The following DGKI variants were observed in gnomAD, a reference collection of about 807,000 sequenced individuals.
DGKI encodes the protein diacylglycerol kinase iota.
In DGKI, 55 loss-of-function variants were observed where a neutral mutation model predicts 147.5. The ratio of observed to expected loss-of-function variants is 0.37; its 90% CI spans 0.30 to 0.47. DGKI has a LOEUF of 0.47. Ranked by LOEUF, DGKI falls within the 20% of genes least tolerant of loss-of-function variation. DGKI has a pLI of 1.00. For synonymous variants in DGKI, 469 were observed against 477.1 expected, an observed-to-expected ratio of 0.98 and a Z score of 0.22; for missense variants, 1,007 against 1,323.8, an observed-to-expected ratio of 0.76 and a Z score of 3.71.
At chr7:137,435,567 G>A (rs1006511964) in intron 28 of DGKI, among the ~76,000 whole-genome samples, 4 of 152,072 alleles carry the variant, frequency 2.6e-5, no homozygotes, top group African/African-American at 4.8e-5. Flanking sequence ...GAGCTAAAGC[G>A]GGAAGAGAAA....
At chr7:137,509,744 T>C (rs1345215312) in intron 21 of DGKI, among the ~76,000 whole-genome samples, 1 of 152,060 alleles carries the variant, frequency 6.6e-6, no homozygotes, top group Non-Finnish European at 1.5e-5. Flanking sequence ...TAGACAGAAT[T>C]GGGGAAAGAA....
chr7:137,813,502 G>C (rs1407189966), intron 1 of DGKI, among the ~76,000 whole-genome samples: 2 of 152,178 alleles, frequency 1.3e-5, no homozygotes, highest in African/African-American at 4.8e-5. Context: ...ACCCCCTTGG[G>C]TGTTGAGTGT....
At chr7:137,517,652 G>A (rs1214708953) in intron 21 of DGKI, among the ~76,000 whole-genome samples, 1 of 152,144 alleles carries the variant, frequency 6.6e-6, no homozygotes, top group Non-Finnish European at 1.5e-5. Context: ...GGAATGCCCT[G>A]TATTACCTTT....
At chr7:137,593,581 A>G in intron 12 of DGKI, among the ~76,000 whole-genome samples, 1 of 152,238 alleles carries the variant, frequency 6.6e-6, no homozygotes, top group South Asian at 2.1e-4. Context: ...TGTCCAACGC[A>G]GCAGCCATTG....
chr7:137,725,343 C>A (rs1316046448), intron 1 of DGKI, among the ~76,000 whole-genome samples: 1 of 152,144 alleles, frequency 6.6e-6, no homozygotes, highest in Admixed American at 6.5e-5. Context: ...ACACCTGGGA[C>A]CGCCTTGACA....
chr7:137,725,131 C>T (rs1411175251), intron 1 of DGKI, among the ~76,000 whole-genome samples: 1 of 152,018 alleles, frequency 6.6e-6, no homozygotes, highest in East Asian at 1.9e-4. Flanking sequence ...TGGGTATTAT[C>T]CCCCTTCTGC....
intron 20 of DGKI, among the ~76,000 whole-genome samples, chr7:137,535,289 G>A (rs1817478510): frequency 6.6e-6 from 1 of 151,836 alleles, no homozygotes; most frequent in South Asian, 2.1e-4. Context: ...ATCTGGCTTG[G>A]GAATCTCTGC....
At chr7:137,508,219 CTTTTTT>C (rs1171968411) in intron 21 of DGKI, among the ~76,000 whole-genome samples, 4 of 92,528 alleles carry the variant, frequency 4.3e-5, no homozygotes, top group African/African-American at 1.3e-4. Flanking sequence ...AGACAGGTTT[CTTTTTT>C]TTTTTTTTTT....
intron 21 of DGKI, among the ~76,000 whole-genome samples, chr7:137,520,858 G>C (rs563185163): frequency 5.9e-5 from 9 of 152,030 alleles, no homozygotes; most frequent in African/African-American, 1.9e-4. Context: ...CCAGAGCTCA[G>C]AAAAGACCAT....
chr7:137,460,000 C>T (rs1814370247), intron 27 of DGKI, among the ~76,000 whole-genome samples: 1 of 152,124 alleles, frequency 6.6e-6, no homozygotes. Flanking sequence ...GTCTCGAAAA[C>T]TCTGATAAGT....
chr7:137,697,393 A>C (rs189146323), intron 1 of DGKI, among the ~76,000 whole-genome samples: 1 of 152,236 alleles, frequency 6.6e-6, no homozygotes, highest in Non-Finnish European at 1.5e-5. Context: ...CATCTGACCA[A>C]GTTTTATTTA....
Position 137,388,385 on chromosome 7 carries a change from C to T in DGKI, c.*2835G>A, listed in dbSNP as rs973341499. 33 of 152,264 alleles carry T rather than the reference C, an allele frequency of 2.2e-4. 2 individuals carry two copies. In the East Asian group the frequency reaches 4.4e-3, roughly 20 times the overall value. 9.4% of individuals were successfully genotyped at this position (152,264 alleles called of 1,614,324 possible). A position where few individuals can be genotyped will look rare whatever the true frequency, so the allele number is the denominator to read the frequency against. On this transcript the variant is annotated 3_prime_UTR_variant, in exon 33 of 33. Coordinates refer to ENST00000614521, the MANE Select transcript of DGKI (RefSeq NM_001321708.2). ...TCTAAAAATGGAATCTCAAAGCAGT[C>T]AGTGCCATGACACAAAGAAACAAAC...
At chr7:137,651,711 A>T (rs1203094610) in intron 5 of DGKI, among the ~76,000 whole-genome samples, 2 of 152,154 alleles carry the variant, frequency 1.3e-5, no homozygotes, top group East Asian at 3.9e-4. Flanking sequence ...GCTCGGAGGG[A>T]TTTGCAGAGG....
intron 3 of DGKI, among the ~76,000 whole-genome samples, chr7:137,665,665 C>A (rs1043016228): frequency 6.6e-6 from 1 of 152,158 alleles, no homozygotes; most frequent in Non-Finnish European, 1.5e-5. Flanking sequence ...CTAGGCTGAA[C>A]CCCACCTAGG....
At chr7:137,735,888 G>C (rs1031954197) in intron 1 of DGKI, among the ~76,000 whole-genome samples, 1 of 152,012 alleles carries the variant, frequency 6.6e-6, no homozygotes, top group Non-Finnish European at 1.5e-5. Flanking sequence ...CACACTAAAC[G>C]CCTGTGCTAG....
Position 137,383,384 on chromosome 7 carries a change from GT to G in DGKI, c.*7835del. 1 of 151,820 alleles carries G rather than the reference GT, an allele frequency of 6.6e-6. No individual in the cohort carries two copies. The highest frequency in any genetic ancestry group is 1.9e-4 in the East Asian group (1 of 5,134). 9.4% of individuals were successfully genotyped at this position (151,820 alleles called of 1,614,324 possible). A position where few individuals can be genotyped will look rare whatever the true frequency, so the allele number is the denominator to read the frequency against. Reference sequence around the variant, plus strand: ...AGGGTCATGAAATCCCCGCTGCTAAGTGATTTGGGATATATTTGCAATGATG... The same window carrying G: ...AGGGTCATGAAATCCCCGCTGCTAAGGATTTGGGATATATTTGCAATGATG... On this transcript the variant is annotated 3_prime_UTR_variant, in exon 33 of 33. Coordinates refer to ENST00000614521, the MANE Select transcript of DGKI (RefSeq NM_001321708.2).
chr7:137,678,530 C>A (rs756269397), intron 3 of DGKI, 27 bp downstream of exon 3: 2 of 1,609,600 alleles, frequency 1.2e-6, no homozygotes, highest in East Asian at 4.5e-5. Flanking sequence ...ACAGGCCTTC[C>A]CCCAGCAAGA....
intron 1 of DGKI, among the ~76,000 whole-genome samples, chr7:137,745,298 A>G (rs1795290728): frequency 6.6e-6 from 1 of 152,192 alleles, no homozygotes; most frequent in African/African-American, 2.4e-5. Context: ...TCCTTGGGGA[A>G]GACTACGTCC....
intron 27 of DGKI, among the ~76,000 whole-genome samples, chr7:137,447,407 A>C (rs1813758458): frequency 6.6e-6 from 1 of 152,228 alleles, no homozygotes; most frequent in Non-Finnish European, 1.5e-5. Context: ...TATATGAGGC[A>C]AAGAGGTAGC....
Sources: gnomAD v4.1 joint callset for allele counts (sites outside exome capture counted in the v4.1 genomes callset) on GRCh38, gnomAD v4.1.1 for gene constraint, MANE v1.5 for transcripts, NCBI Gene and HGNC (gene_info 2026-07-23, HGNC 2026-07-21) for gene names.